The following RTN3 variants were observed in gnomAD, a reference collection of about 807,000 sequenced individuals.
RTN3 encodes the protein reticulon 3, also known as reticulon-3.
A neutral mutation model predicts 77.8 loss-of-function variants in RTN3; 49 were observed. The observed-to-expected ratio is 0.63, with a 90% CI of 0.50 to 0.80. RTN3 has a LOEUF of 0.80. RTN3 is among the 30% of genes least tolerant of loss of function. RTN3 has a pLI of 0.00. For missense variants in RTN3, 1,236 were observed against 1,211.9 expected, an observed-to-expected ratio of 1.02 and a Z score of -0.29; for synonymous variants, 464 against 446.9, an observed-to-expected ratio of 1.04 and a Z score of -0.48.
At chr11:63,749,946 G>A in intron 3 of RTN3, 45 bp from the exon 4 acceptor site, 1 of 1,353,468 alleles carries the variant, frequency 7.4e-7, no homozygotes, top group Non-Finnish European at 1.1e-6. Flanking sequence ...AGACATAGTA[G>A]CTGTGGATGT....
chr11:63,758,122 A>G (rs888311633), intron 8 of RTN3, 34 bp from the exon 9 acceptor site: 28 of 1,438,958 alleles, frequency 1.9e-5, no homozygotes, highest in Non-Finnish European at 2.7e-5. Context: ...TAATGTTTTC[A>G]CTTTCTTTCT....
chr11:63,733,547 A>G (rs751478918), intron 3 of RTN3, among the ~76,000 whole-genome samples: 1 of 151,800 alleles, frequency 6.6e-6, no homozygotes, highest in Non-Finnish European at 1.5e-5. Flanking sequence ...AAGAAAAACT[A>G]TGGCATAAGT....
chr11:63,705,795 G>GTTTT (rs1484304732), intron 2 of RTN3, among the ~76,000 whole-genome samples: 1 of 152,120 alleles, frequency 6.6e-6, no homozygotes, highest in Non-Finnish European at 1.5e-5. Context: ...GTTTTGTTTT[G>GTTTT]TTTTGTTTTT....
chr11:63,718,832 C>G lies in RTN3; in HGVS notation c.330C>G (p.Ser110Arg). 1 of 1,614,070 alleles carries G rather than the reference C, an allele frequency of 6.2e-7. No homozygotes were observed. Among genetic ancestry groups the G allele is most frequent in the East Asian group, 2.2e-5 (1 of 44,888 alleles). The change falls in exon 3 of 9, where the codon AGC becomes AGG. Residue 110 changes from serine to arginine, a missense_variant. This residue lies in a region of RTN3 where 1,056 missense variants were observed against 990.4 expected (regional missense o/e 1.07). Transcript: ENST00000377819. Reference protein sequence around the residue: ...LHGEKSHVLGSQPILAKEGKD... With the variant: ...LHGEKSHVLGRQPILAKEGKD... Reference sequence around the variant, plus strand: ...GAGAAAAAAGCCATGTGTTAGGGAGCCAGCCTATTTTAGCCAAAGAAGGAA... The same window carrying G: ...GAGAAAAAAGCCATGTGTTAGGGAGGCAGCCTATTTTAGCCAAAGAAGGAA...
chr11:63,681,464 G>C, upstream of RTN3: 1 of 608,512 alleles, frequency 1.6e-6, no homozygotes, highest in South Asian at 4.7e-5. Context: ...GCGCGCTCGC[G>C]CTCCCGCCCT....
intron 3 of RTN3, chr11:63,747,052 A>G: frequency 2.2e-6 from 1 of 455,506 alleles, no homozygotes; most frequent in Non-Finnish European, 4.4e-6. Flanking sequence ...TCTCTTTCAC[A>G]CCACTGACAT....
At chr11:63,748,048 T>TA (rs1329532522) in intron 3 of RTN3, among the ~76,000 whole-genome samples, 1 of 151,740 alleles carries the variant, frequency 6.6e-6, no homozygotes, top group Non-Finnish European at 1.5e-5. Context: ...TGCAGAGGCT[T>TA]ATGCCTGTAA....
chr11:63,735,777 A>G (rs932826097), intron 3 of RTN3, among the ~76,000 whole-genome samples: 2 of 152,060 alleles, frequency 1.3e-5, no homozygotes, highest in African/African-American at 4.8e-5. Flanking sequence ...CATTCTGCCC[A>G]ATTTGGCTTC....
In RTN3 at chr11:63,719,789, A is replaced by C; in HGVS notation, c.1287A>C (p.Lys429Asn). ...KPVPDSLNST[K>N]EFSIKGVQGN... is the part of the protein sequence containing the mutation. Reference sequence around the variant, plus strand: ...TACCTGACTCTTTGAATTCCACAAAAGAATTCAGTATCAAAGGTGTGCAAG... The same window carrying C: ...TACCTGACTCTTTGAATTCCACAAACGAATTCAGTATCAAAGGTGTGCAAG... Residue 429 changes from lysine (K) to asparagine (N), a missense_variant, in exon 3 of 9, where the codon AAA becomes AAC. Transcript: ENST00000377819. 2 of 1,614,210 alleles carry C rather than the reference A, an allele frequency of 1.2e-6. No individual in the cohort carries two copies. Among genetic ancestry groups the C allele is most frequent in the Non-Finnish European group, 1.7e-6 (2 of 1,180,042 alleles).
chr11:63,742,010 C>T (rs2013512105), intron 3 of RTN3, among the ~76,000 whole-genome samples: 1 of 145,968 alleles, frequency 6.9e-6, no homozygotes, highest in Non-Finnish European at 1.5e-5. Context: ...GATGGAGTCT[C>T]GCTCTGTTGC....
chr11:63,726,738 G>A (rs2012295941), intron 3 of RTN3, among the ~76,000 whole-genome samples: 1 of 151,960 alleles, frequency 6.6e-6, no homozygotes, highest in Admixed American at 6.6e-5. Context: ...GCAGGCGCCT[G>A]TAATCCCACC....
intron 8 of RTN3, 85 bp downstream of exon 8, chr11:63,756,255 C>A: frequency 1.2e-6 from 1 of 844,222 alleles, no homozygotes; most frequent in Non-Finnish European, 1.9e-6. Context: ...AATGCAGATG[C>A]CAAGGAAAGT....
At position 63,719,075 on chromosome 11, in the gene RTN3, A is replaced by G. The variant is rs1189727563; in HGVS notation, c.573A>G (p.Ser191=). The change falls in exon 3 of 9, where the codon TCA becomes TCG. Residue 191 remains serine (S), a synonymous_variant. Coordinates refer to ENST00000377819, the MANE Select transcript of RTN3 (RefSeq NM_001265589.2). ...DKETKNPNGV[S]SREAKTALDA... ...AGACCAAGAACCCAAATGGGGTATCAAGTAGGGAGGCTAAAACTGCATTGG... is the reference window on the plus strand; with the variant it reads ...AGACCAAGAACCCAAATGGGGTATCGAGTAGGGAGGCTAAAACTGCATTGG... The G allele has an allele frequency of 1.2e-6, 2 of 1,614,074 alleles. No homozygotes were observed. The highest frequency in any genetic ancestry group is 1.7e-6 in the Non-Finnish European group (2 of 1,180,050).
intron 3 of RTN3, among the ~76,000 whole-genome samples, chr11:63,740,472 T>G (rs3017736): frequency 7.2e-6 from 1 of 139,714 alleles, no homozygotes; most frequent in Non-Finnish European, 1.6e-5. Flanking sequence ...TTTTTTTTTG[T>G]ATTTTTAGTA....
chr11:63,717,375 CTTTTTTTTTTTTTTTTT>C (rs1187530525), intron 2 of RTN3, among the ~76,000 whole-genome samples: 2 of 75,164 alleles, frequency 2.7e-5, no homozygotes, highest in African/African-American at 1.0e-4. Context: ...TTAACTCTGT[CTTTTTTTTTTTTTTTTT>C]TTTTTTTTTT....
At chr11:63,693,310 G>C (rs1020522468) in intron 1 of RTN3, among the ~76,000 whole-genome samples, 16 of 151,898 alleles carry the variant, frequency 1.1e-4, no homozygotes, top group African/African-American at 3.6e-4. Flanking sequence ...ATGGAGAAAC[G>C]CCATCTCTAC....
intron 1 of RTN3, among the ~76,000 whole-genome samples, chr11:63,695,047 T>A (rs1179244412): frequency 1.3e-5 from 2 of 152,194 alleles, no homozygotes; most frequent in East Asian, 3.8e-4. Flanking sequence ...AGTTTTGAAA[T>A]AACAAGCTAA....
intron 1 of RTN3, among the ~76,000 whole-genome samples, chr11:63,702,241 A>C (rs1324215007): frequency 6.6e-6 from 1 of 150,654 alleles, no homozygotes; most frequent in East Asian, 1.9e-4. Flanking sequence ...CATCATTTTT[A>C]TTGAAAAAGT....
intron 3 of RTN3, among the ~76,000 whole-genome samples, chr11:63,730,237 G>T (rs1393528435): frequency 6.6e-6 from 1 of 152,178 alleles, no homozygotes; most frequent in Non-Finnish European, 1.5e-5. Context: ...AAAGTGCTGG[G>T]ATCATAGGCG....
Sources: gnomAD v4.1 joint callset for allele counts (sites outside exome capture counted in the v4.1 genomes callset) on GRCh38, gnomAD v4.1.1 for gene constraint, gnomAD v4.1.1 regional missense constraint, MANE v1.5 for transcripts, NCBI Gene and HGNC (gene_info 2026-07-23, HGNC 2026-07-21) for gene names.